The following INPP5B variants were observed in gnomAD, a reference collection of about 807,000 sequenced individuals.
The protein encoded by INPP5B is inositol polyphosphate-5-phosphatase B.
INPP5B carries 90 observed loss-of-function variants against 118.5 expected under a neutral mutation model. The observed-to-expected ratio is 0.76, with a 90% CI of 0.64 to 0.90. The LOEUF is 0.90. Among genes scored for constraint, INPP5B ranks in the 40% least tolerant of loss-of-function variants. The pLI is 0.00. For synonymous variants in INPP5B, 385 were observed against 418.9 expected (o/e 0.92, Z 0.99); for missense variants, 984 against 1,125.6 (o/e 0.87, Z 1.80).
chr1:37,946,599 G>A (rs151079304), intron 1 of INPP5B, among the ~76,000 whole-genome samples: 51 of 152,304 alleles, frequency 3.3e-4, no homozygotes, highest in Admixed American at 7.8e-4. Flanking sequence ...AGTTGCTCTT[G>A]AGTGTGGTCT....
intron 3 of INPP5B, among the ~76,000 whole-genome samples, chr1:37,944,571 C>A (rs2148703331): frequency 6.6e-6 from 1 of 151,100 alleles, no homozygotes; most frequent in South Asian, 2.1e-4. Context: ...TTTCTACACA[C>A]CCCATGGTGT....
At chr1:37,876,107 GTTTTTTTTTTT>G (rs58127949) in intron 16 of INPP5B, among the ~76,000 whole-genome samples, 1 of 122,174 alleles carries the variant, frequency 8.2e-6, no homozygotes, top group Non-Finnish European at 1.8e-5. Context: ...TCTCAAGTTT[GTTTTTTTTTTT>G]TTTTTGCAAC....
At chr1:37,922,861 G>C (rs887660878) in intron 7 of INPP5B, among the ~76,000 whole-genome samples, 1 of 152,222 alleles carries the variant, frequency 6.6e-6, no homozygotes, top group African/African-American at 2.4e-5. Context: ...AGCTTTCAAG[G>C]AGGAAGACTA....
chr1:37,919,390 T>C (rs950998913), intron 7 of INPP5B, among the ~76,000 whole-genome samples: 3 of 152,070 alleles, frequency 2.0e-5, no homozygotes, highest in Admixed American at 1.3e-4. Context: ...CTGCAAACCA[T>C]GTGCTTCAGA....
At chr1:37,945,925 G>T in intron 2 of INPP5B, 75 bp from the exon 3 acceptor site, 5 of 1,351,354 alleles carry the variant, frequency 3.7e-6, no homozygotes, top group Middle Eastern at 3.6e-4. Flanking sequence ...CCTTCCCTCT[G>T]TTCCCCTGCC....
At chr1:37,933,583 G>A (rs1645573098) in intron 6 of INPP5B, among the ~76,000 whole-genome samples, 1 of 151,620 alleles carries the variant, frequency 6.6e-6, no homozygotes, top group Admixed American at 6.6e-5. Flanking sequence ...AGCCGGGTGT[G>A]GTGGCGGGCA....
chr1:37,891,217 A>C, intron 8 of INPP5B, 141 bp downstream of exon 8: 1 of 552,472 alleles, frequency 1.8e-6, no homozygotes. Flanking sequence ...GTAAGAGCGA[A>C]ACTCTGTCTC....
chr1:37,934,966 G>A (rs1200531748), intron 6 of INPP5B, among the ~76,000 whole-genome samples: 3 of 151,378 alleles, frequency 2.0e-5, no homozygotes, highest in Admixed American at 6.6e-5. Context: ...TTGGGAGGCC[G>A]AGGCGGGCGG....
At chr1:37,939,252 T>C (rs1043355969) in intron 6 of INPP5B, among the ~76,000 whole-genome samples, 1 of 147,820 alleles carries the variant, frequency 6.8e-6, no homozygotes, top group Admixed American at 6.8e-5. Context: ...TAATCCCACC[T>C]ATTCAGGAGG....
intron 19 of INPP5B, 56 bp downstream of exon 19, chr1:37,872,874 T>G: frequency 7.4e-7 from 1 of 1,349,608 alleles, no homozygotes; most frequent in Non-Finnish European, 1.0e-6. Flanking sequence ...AATATCTTGT[T>G]TGACTGGCTT....
chr1:37,943,714 C>T (rs1646019531), intron 4 of INPP5B, 45 bp from the exon 5 acceptor site: 1 of 1,612,816 alleles, frequency 6.2e-7, no homozygotes. Flanking sequence ...TGAGCTTACT[C>T]CCCCTTGCCC....
chr1:37,944,646 A>G lies in INPP5B; in HGVS notation c.153-753T>C, dbSNP rs1205640823. 6.6e-5 allele frequency among the ~76,000 whole-genome samples: 10 copies of G among 151,372 alleles called. No individual in the cohort carries two copies. The East Asian group carries it at 2.0e-3, about 30-fold the overall frequency. ...GTCTTGCTGTGTTGCCCAGGCTGCA[A>G]TCGTAGTTCACTGTAATCTCAAACT... is the stretch of plus-strand genomic sequence containing the variant. On this transcript the variant is annotated intron_variant, in intron 3 of 23. Coordinates refer to ENST00000373024, the MANE Select transcript of INPP5B (RefSeq NM_005540.3).
chr1:37,883,535 A>G, intron 13 of INPP5B: 2 of 985,440 alleles, frequency 2.0e-6, no homozygotes, highest in Non-Finnish European at 2.4e-6. Flanking sequence ...ACATCTCATT[A>G]AGTCTAATAC....
chr1:37,867,013 C>A (rs538759409), intron 20 of INPP5B, among the ~76,000 whole-genome samples: 1 of 152,162 alleles, frequency 6.6e-6, no homozygotes, highest in Non-Finnish European at 1.5e-5. Context: ...GCGGGTGGAT[C>A]ACGAGGTCAG....
At chr1:37,888,367 A>T in intron 9 of INPP5B, 23 bp from the exon 10 acceptor site, 1 of 1,424,826 alleles carries the variant, frequency 7.0e-7, no homozygotes. Flanking sequence ...AGAAATAATT[A>T]GTGACTCCGA....
At chr1:37,910,792 C>A (rs909348356) in intron 7 of INPP5B, among the ~76,000 whole-genome samples, 1 of 152,150 alleles carries the variant, frequency 6.6e-6, no homozygotes, top group Non-Finnish European at 1.5e-5. Context: ...AGGATCTGCA[C>A]CCTATCGACC....
intron 23 of INPP5B, among the ~76,000 whole-genome samples, chr1:37,862,963 A>C (rs1250216733): frequency 2.0e-5 from 3 of 152,178 alleles, no homozygotes; most frequent in African/African-American, 7.2e-5. Flanking sequence ...TGGGGGAGGC[A>C]GCCCTGCTTG....
At chr1:37,916,198 A>T (rs1644853985) in intron 7 of INPP5B, among the ~76,000 whole-genome samples, 1 of 151,732 alleles carries the variant, frequency 6.6e-6, no homozygotes, top group Non-Finnish European at 1.5e-5. Context: ...GGTTCAAGCG[A>T]TTCTTGTGCC....
At chr1:37,864,105 G>A (rs760579888) in intron 23 of INPP5B, among the ~76,000 whole-genome samples, 35 of 152,032 alleles carry the variant, frequency 2.3e-4, no homozygotes, top group Non-Finnish European at 1.2e-4. Flanking sequence ...GTGAGCCACC[G>A]CCCCCAGCCC....
Sources: allele counts gnomAD v4.1 joint callset (sites outside exome capture counted in the v4.1 genomes callset), GRCh38; gene constraint gnomAD v4.1.1; transcripts MANE v1.5; gene names NCBI Gene and HGNC (gene_info 2026-07-23, HGNC 2026-07-21).